Variants in CYTIP observed in about 807,000 individuals in gnomAD.
The protein encoded by CYTIP is cytohesin 1 interacting protein.
Under a neutral mutation model 43.8 loss-of-function variants are expected in CYTIP, and 26 were observed. That is an observed-to-expected ratio of 0.59 (90% CI 0.44 to 0.82). The LOEUF (loss-of-function observed/expected upper bound fraction) is 0.82, where lower values mean the gene tolerates loss of function less well. Among genes scored for constraint, CYTIP ranks in the 40% least tolerant of loss-of-function variants. The pLI, the probability that CYTIP is intolerant of heterozygous loss-of-function variation, is 0.00. For synonymous variants in CYTIP, 162 were observed against 162.9 expected (o/e 0.99, Z 0.04); for missense variants, 426 against 443.1 (o/e 0.96, Z 0.35).
At chr2:157,420,923 T>C (rs970490470) in intron 6 of CYTIP, among the ~76,000 whole-genome samples, 4 of 152,198 alleles carry the variant, frequency 2.6e-5, no homozygotes, top group Non-Finnish European at 5.9e-5. Context: ...GCACTTACTA[T>C]CTAAAAATAC....
At chr2:157,428,363 T>C (rs1685646704) in intron 5 of CYTIP, among the ~76,000 whole-genome samples, 1 of 152,206 alleles carries the variant, frequency 6.6e-6, no homozygotes, top group Non-Finnish European at 1.5e-5. Flanking sequence ...GTCTTCTACT[T>C]CTAATAGCAT....
At position 157,428,751 on chromosome 2, in the gene CYTIP, C is replaced by T. The variant is rs145406290; in HGVS notation, c.477-1331G>A. ...GATCCAGGGTTCTCTAGAGCAAAAG[C>T]ACCTCATCCTTTACCCTGAACTCAC... On this transcript the variant is annotated intron_variant, in intron 5 of 7. Transcript: ENST00000264192. Among the ~76,000 whole-genome samples the T allele has an allele frequency of 2.6e-5, 4 of 152,294 alleles. No homozygotes were observed. The East Asian group carries it at 7.7e-4, about 29-fold the overall frequency.
intron 1 of CYTIP, among the ~76,000 whole-genome samples, chr2:157,438,037 G>A (rs992843937): frequency 6.6e-6 from 1 of 152,166 alleles, no homozygotes; most frequent in Non-Finnish European, 1.5e-5. Context: ...TCATCCAAAG[G>A]AAAGGAAATC....
intron 3 of CYTIP, among the ~76,000 whole-genome samples, chr2:157,433,373 A>C (rs1454707292): frequency 2.6e-5 from 4 of 152,304 alleles, no homozygotes; most frequent in African/African-American, 9.6e-5. Flanking sequence ...CTCTGTCTTC[A>C]TTGCAGCTAA....
chr2:157,430,789 C>A (rs141221938), intron 4 of CYTIP, 71 bp downstream of exon 4: 521 of 1,470,820 alleles, frequency 3.5e-4, no homozygotes, highest in Admixed American at 5.4e-4. Flanking sequence ...TACATCCTGA[C>A]CTTCACTCTC....
intron 6 of CYTIP, among the ~76,000 whole-genome samples, chr2:157,425,536 AG>A (rs1413497370): frequency 6.6e-6 from 1 of 152,156 alleles, no homozygotes; most frequent in Non-Finnish European, 1.5e-5. Flanking sequence ...GTTCTGGAAG[AG>A]GATGGAGATA....
rs1447841803 is a variant in CYTIP at position 157,415,451 on chromosome 2, A to G, written c.*226T>C. ...AGGAACCTGCATCTTTGTTATATTA[A>G]TTAACTTATTATTTAGTTTTCCTGT... On this transcript the variant is annotated 3_prime_UTR_variant, in exon 8 of 8. Coordinates refer to ENST00000264192, the MANE Select transcript of CYTIP (RefSeq NM_004288.5). 2 of 468,700 alleles carry G rather than the reference A, an allele frequency of 4.3e-6. No homozygotes were observed. The highest frequency in any genetic ancestry group is 3.8e-5 in the East Asian group (1 of 26,204). The allele number at this position is 468,700 out of a possible 1,614,324, so 29.0% of individuals were successfully genotyped here. A position where few individuals can be genotyped will look rare whatever the true frequency, so the allele number is the denominator to read the frequency against.
chr2:157,414,769 T>G lies in CYTIP; in HGVS notation c.*908A>C, dbSNP rs1285965812. The G allele has an allele frequency of 6.6e-6, 1 of 152,180 alleles. No individual in the cohort carries two copies. Among genetic ancestry groups the G allele is most frequent in the Non-Finnish European group, 1.5e-5 (1 of 68,024 alleles). The allele number at this position is 152,180 out of a possible 1,614,324, so 9.4% of individuals were successfully genotyped here. A position where few individuals can be genotyped will look rare whatever the true frequency, so the allele number is the denominator to read the frequency against. ...AATTGAAAGGCTAGAAGTAATGTGATACTAACATAACCAATAGGCAAAAGA... is the reference window on the plus strand; with the variant it reads ...AATTGAAAGGCTAGAAGTAATGTGAGACTAACATAACCAATAGGCAAAAGA... On this transcript the variant is annotated 3_prime_UTR_variant, in exon 8 of 8. Transcript: ENST00000264192.
intron 1 of CYTIP, among the ~76,000 whole-genome samples, chr2:157,436,695 A>G (rs930113885): frequency 9.9e-5 from 15 of 152,090 alleles, no homozygotes; most frequent in Non-Finnish European, 1.8e-4. Flanking sequence ...GGGGAATGTT[A>G]TTTGTTTTAC....
intron 6 of CYTIP, among the ~76,000 whole-genome samples, chr2:157,420,337 G>C (rs557363084): frequency 6.6e-6 from 1 of 152,176 alleles, no homozygotes; most frequent in African/African-American, 2.4e-5. Context: ...CCAACATGGC[G>C]AAACCCCATC....
Position 157,430,817 on chromosome 2 carries a change from T to C in CYTIP, c.382+43A>G, listed in dbSNP as rs201867902. The C allele has an allele frequency of 1.2e-4, 188 of 1,546,534 alleles. No individual in the cohort carries two copies. In the East Asian group the frequency reaches 3.3e-3, roughly 27 times the overall value. On this transcript the variant is annotated intron_variant, in intron 4 of 7. Transcript: ENST00000264192. The stretch of plus-strand genomic sequence containing the variant: ...TCACTCTCAAAACATTTTATTTTCT[T>C]TCCATTTAAATGATTCCTAACATGA...
In CYTIP at chr2:157,419,771, G is replaced by A. The variant is rs114503726; in HGVS notation, c.547-1182C>T. On this transcript the variant is annotated intron_variant, in intron 6 of 7. Transcript: ENST00000264192. ...GTAGATGAAGGCTAAAAAGGAAGAG[G>A]CAAAAAATGTATATTTGGAGAAGGA... is the stretch of plus-strand genomic sequence containing the variant. Among the ~76,000 whole-genome samples the A allele has an allele frequency of 1.5e-3, 233 of 152,186 alleles. 1 individual carries two copies. Among genetic ancestry groups the A allele is most frequent in the African/African-American group, 5.4e-3 (224 of 41,546 alleles).
chr2:157,441,851 C>T (rs1254808687), intron 1 of CYTIP, among the ~76,000 whole-genome samples: 1 of 152,198 alleles, frequency 6.6e-6, no homozygotes, highest in East Asian at 1.9e-4. Flanking sequence ...GTTCCTCCCT[C>T]ACCACTAGTC....
At chr2:157,436,928 A>G (rs1488947188) in intron 1 of CYTIP, among the ~76,000 whole-genome samples, 1 of 152,188 alleles carries the variant, frequency 6.6e-6, no homozygotes, top group Non-Finnish European at 1.5e-5. Flanking sequence ...AATCACTAAA[A>G]TACATAAAGT....
intron 6 of CYTIP, among the ~76,000 whole-genome samples, chr2:157,419,036 G>C (rs1431054847): frequency 6.6e-6 from 1 of 152,152 alleles, no homozygotes; most frequent in East Asian, 1.9e-4. Context: ...CTAGAACTTA[G>C]TTAATGCTCT....
At chr2:157,425,400 A>AC (rs1203896843) in intron 6 of CYTIP, among the ~76,000 whole-genome samples, 3 of 152,174 alleles carry the variant, frequency 2.0e-5, no homozygotes, top group Admixed American at 6.5e-5. Flanking sequence ...TTTCTTCACT[A>AC]CCAGCTATAG....
At chr2:157,437,488 C>T (rs1485625812) in intron 1 of CYTIP, among the ~76,000 whole-genome samples, 2 of 151,830 alleles carry the variant, frequency 1.3e-5, no homozygotes, top group African/African-American at 4.8e-5. Context: ...ATCAACTGAG[C>T]TCAGGAGTTC....
intron 1 of CYTIP, among the ~76,000 whole-genome samples, chr2:157,442,992 T>TA (rs554969144): frequency 2.0e-5 from 3 of 151,802 alleles, no homozygotes; most frequent in Non-Finnish European, 1.5e-5. Context: ...GTATTATGGT[T>TA]AAAAAAAAAT....
At chr2:157,429,955 A>G (rs183222481) in intron 5 of CYTIP, among the ~76,000 whole-genome samples, 2,816 of 151,316 alleles carry the variant, frequency 0.019, 46 homozygotes, top group Non-Finnish European at 0.03. Context: ...CCTGGGAGGC[A>G]GAGCTTGCAG....
Sources: gnomAD v4.1 joint callset for allele counts (sites outside exome capture counted in the v4.1 genomes callset) on GRCh38, gnomAD v4.1.1 for gene constraint, MANE v1.5 for transcripts, NCBI Gene and HGNC (gene_info 2026-07-23, HGNC 2026-07-21) for gene names.